Variants in NAV2 observed in about 807,000 individuals in gnomAD.
The protein encoded by NAV2 is neuron navigator 2.
A neutral mutation model predicts 223.2 loss-of-function variants in NAV2; 54 were observed. The ratio of observed to expected loss-of-function variants is 0.24; its 90% CI spans 0.19 to 0.30. The LOEUF (loss-of-function observed/expected upper bound fraction) is 0.30, where lower values mean the gene tolerates loss of function less well. Among genes scored for constraint, NAV2 ranks in the 10% least tolerant of loss-of-function variants. The pLI, the probability that NAV2 is intolerant of heterozygous loss-of-function variation, is 1.00. For synonymous variants in NAV2, 1,279 were observed against 1,239.3 expected (o/e 1.03, Z -0.67); for missense variants, 2,806 against 3,147.5 (o/e 0.89, Z 2.60).
intron 1 of NAV2, among the ~76,000 whole-genome samples, chr11:19,460,575 C>T (rs1431546488): frequency 6.8e-6 from 1 of 146,990 alleles, no homozygotes; most frequent in Non-Finnish European, 1.5e-5. Context: ...CGCATGTTCT[C>T]ACTCATAGGT....
chr11:19,670,825 G>T (rs766914757), intron 1 of NAV2, among the ~76,000 whole-genome samples: 13 of 152,218 alleles, frequency 8.5e-5, no homozygotes, highest in Non-Finnish European at 1.2e-4. Context: ...GCAGCCCTTT[G>T]TGTGGATAAA....
rs76121583 is a variant in NAV2 at position 19,974,202 on chromosome 11, T to A, written c.2646-9923T>A. 1.7e-4 allele frequency among the ~76,000 whole-genome samples: 26 copies of A among 152,348 alleles called. No homozygotes were observed. The East Asian group carries it at 4.6e-3, about 27-fold the overall frequency. ...AGCACACAGTTCTTCCGCCCAGGTC[T>A]CATGATTTAAGGCAACATTTCTCAC... On this transcript the variant is annotated intron_variant, in intron 10 of 37. Coordinates refer to ENST00000349880, the MANE Select transcript of NAV2 (RefSeq NM_145117.5).
In NAV2 at chr11:19,984,380, G is replaced by A. The variant is rs1428628346; in HGVS notation, c.2768+133G>A. 5 of 1,398,578 alleles carry A rather than the reference G, an allele frequency of 3.6e-6. No individual in the cohort carries two copies. The African/African-American group carries it at 5.7e-5, about 16-fold the overall frequency. 86.6% of individuals were successfully genotyped at this position (1,398,578 alleles called of 1,614,324 possible). ...GAGAGGGAGGGGAGGCCTGGAATCTGTACCTGGGGTTAGGAGCAGGTACAG... is the reference window on the plus strand; with the variant it reads ...GAGAGGGAGGGGAGGCCTGGAATCTATACCTGGGGTTAGGAGCAGGTACAG... On this transcript the variant is annotated intron_variant, in intron 11 of 37. Transcript: ENST00000349880.
chr11:19,579,258 T>G (rs929741714), intron 1 of NAV2, among the ~76,000 whole-genome samples: 6 of 152,204 alleles, frequency 3.9e-5, no homozygotes, highest in African/African-American at 1.4e-4. Flanking sequence ...AAGACTTATT[T>G]TGCAGGACTA....
chr11:19,945,823 A>G (rs1385494709), intron 8 of NAV2, among the ~76,000 whole-genome samples: 8 of 152,208 alleles, frequency 5.3e-5, no homozygotes, highest in Non-Finnish European at 8.8e-5. Flanking sequence ...AAGGATAGAG[A>G]GGACCAGCAC....
At chr11:20,036,148 G>A in intron 12 of NAV2, 51 bp downstream of exon 12, 1 of 1,611,156 alleles carries the variant, frequency 6.2e-7, no homozygotes, top group Non-Finnish European at 8.5e-7. Context: ...TGGCAGCAGG[G>A]AACCTTGGGC....
At chr11:19,843,491 C>A (rs2060614363) in intron 3 of NAV2, among the ~76,000 whole-genome samples, 1 of 152,166 alleles carries the variant, frequency 6.6e-6, no homozygotes, top group Admixed American at 6.5e-5. Flanking sequence ...TTATACATAA[C>A]CCCCAAAACT....
intron 20 of NAV2, among the ~76,000 whole-genome samples, chr11:20,065,371 A>G (rs1004382388): frequency 2.6e-5 from 4 of 152,268 alleles, no homozygotes; most frequent in African/African-American, 9.6e-5. Context: ...TGAATATTCA[A>G]GAATGCTCAT....
At chr11:19,702,159 G>A (rs1371279894) in intron 1 of NAV2, among the ~76,000 whole-genome samples, 1 of 152,164 alleles carries the variant, frequency 6.6e-6, no homozygotes, top group Non-Finnish European at 1.5e-5. Context: ...TTGTGCTCAG[G>A]GGTGGTCTTG....
chr11:19,929,827 G>T (rs1466523176), intron 6 of NAV2, among the ~76,000 whole-genome samples: 1 of 152,180 alleles, frequency 6.6e-6, no homozygotes, highest in Non-Finnish European at 1.5e-5. Context: ...AGGGCGGGGA[G>T]TCTCTGTCCT....
At chr11:19,654,395 A>C (rs951770527) in intron 1 of NAV2, among the ~76,000 whole-genome samples, 2 of 152,028 alleles carry the variant, frequency 1.3e-5, no homozygotes, top group African/African-American at 4.8e-5. Flanking sequence ...AAACTACTTT[A>C]AAGTTCATAT....
intron 10 of NAV2, among the ~76,000 whole-genome samples, chr11:19,973,207 C>G (rs1463361199): frequency 6.6e-6 from 1 of 152,170 alleles, no homozygotes; most frequent in Non-Finnish European, 1.5e-5. Flanking sequence ...TTGTTGTTAC[C>G]TGGGGGGGTC....
intron 11 of NAV2, among the ~76,000 whole-genome samples, chr11:19,994,552 G>GGA (rs1349927759): frequency 1.6e-5 from 1 of 62,980 alleles, no homozygotes; most frequent in African/African-American, 5.7e-5. Context: ...CTGTCTCAAA[G>GGA]AAAAAAAAAA....
At chr11:19,869,891 T>G (rs1424541944) in intron 4 of NAV2, among the ~76,000 whole-genome samples, 1 of 152,216 alleles carries the variant, frequency 6.6e-6, no homozygotes, top group Non-Finnish European at 1.5e-5. Context: ...GCAAGCATGA[T>G]GGATTCCATC....
At chr11:19,909,338 A>C (rs1233979757) in intron 6 of NAV2, among the ~76,000 whole-genome samples, 2 of 152,312 alleles carry the variant, frequency 1.3e-5, no homozygotes, top group East Asian at 3.9e-4. Context: ...GGCAGTAAAC[A>C]GAGCATTGAC....
At chr11:19,884,325 A>G in intron 5 of NAV2, 5 of 1,613,954 alleles carry the variant, frequency 3.1e-6, no homozygotes, top group South Asian at 1.1e-5. Flanking sequence ...TCAAAGCAAA[A>G]TCATCCGCTT....
intron 11 of NAV2, among the ~76,000 whole-genome samples, chr11:20,026,873 A>G (rs2055135744): frequency 6.6e-6 from 1 of 152,226 alleles, no homozygotes; most frequent in African/African-American, 2.4e-5. Context: ...ATCTAACAGT[A>G]ACTGGGAGAA....
Position 19,713,920 on chromosome 11 carries a change from G to T in NAV2, c.225G>T (p.Pro75=). Reference sequence around the variant, plus strand: ...AGGAGCCAGCGGGGGAGGGGCTCCCGCTGCGGAAGAGCGGCTCGGTGGAAA... The same window carrying T: ...AGGAGCCAGCGGGGGAGGGGCTCCCTCTGCGGAAGAGCGGCTCGGTGGAAA... ...GLQEPAGEGL[P]LRKSGSVENG... is the part of the protein sequence containing the mutation. Residue 75 remains proline (P), a synonymous_variant, in exon 1 of 38, where the codon CCG becomes CCT. Transcript: ENST00000349880. The surrounding 1 kb of genome is among the most constrained non-coding windows in gnomAD (Gnocchi z 7.2). 1 of 1,613,570 alleles carries T rather than the reference G, an allele frequency of 6.2e-7. No individual in the cohort carries two copies. Among genetic ancestry groups the T allele is most frequent in the Admixed American group, 1.7e-5 (1 of 60,030 alleles).
intron 19 of NAV2, among the ~76,000 whole-genome samples, chr11:20,057,156 A>T (rs1187861954): frequency 6.6e-6 from 1 of 152,170 alleles, no homozygotes; most frequent in African/African-American, 2.4e-5. Context: ...ATGAGTAGGG[A>T]AAAAGGGCCA....
Sources: gnomAD v4.1 joint callset for allele counts (sites outside exome capture counted in the v4.1 genomes callset) on GRCh38, gnomAD v4.1.1 for gene constraint, Gnocchi (gnomAD v3.1) non-coding constraint, MANE v1.5 for transcripts, NCBI Gene and HGNC (gene_info 2026-07-23, HGNC 2026-07-21) for gene names.